SH3KBP1: variants seen among roughly 807,000 people sequenced by gnomAD.
SH3KBP1 encodes the protein SH3 domain-containing kinase-binding protein 1.
In SH3KBP1, 8 loss-of-function variants were observed where a neutral mutation model predicts 50.1. The ratio of observed to expected loss-of-function variants is 0.16; its 90% CI spans 0.09 to 0.29. SH3KBP1 has a LOEUF of 0.29. SH3KBP1 is among the 10% of genes least tolerant of loss of function. The pLI is 1.00. For synonymous variants in SH3KBP1, 227 were observed against 218.6 expected (o/e 1.04, Z -0.34); for missense variants, 377 against 535.2 (o/e 0.70, Z 2.92).
intron 7 of SH3KBP1, among the ~76,000 whole-genome samples, chrX:19,641,171 T>C (rs769877890): frequency 2.7e-5 from 3 of 112,119 alleles, no homozygotes; most frequent in African/African-American, 3.2e-5. Flanking sequence ...CTTAGGCCGA[T>C]TGGGAGAGCA....
At chrX:19,596,472 G>A (rs927187447) in intron 9 of SH3KBP1, among the ~76,000 whole-genome samples, 51 of 112,134 alleles carry the variant, frequency 4.5e-4, no homozygotes, top group African/African-American at 1.6e-3. Flanking sequence ...ACTGATCAGG[G>A]TGGTGGTGGC....
intron 7 of SH3KBP1, among the ~76,000 whole-genome samples, chrX:19,640,322 T>G (rs1416391834): frequency 2.7e-5 from 3 of 110,962 alleles, no homozygotes; most frequent in African/African-American, 9.9e-5. Context: ...GCACTACACA[T>G]CTATCTTCAC....
At chrX:19,584,202 A>G (rs1323080931) in intron 12 of SH3KBP1, among the ~76,000 whole-genome samples, 1 of 94,223 alleles carries the variant, frequency 1.1e-5, no homozygotes, top group African/African-American at 3.9e-5. Flanking sequence ...TTATAAATAT[A>G]TGTCAATATA....
intron 1 of SH3KBP1, among the ~76,000 whole-genome samples, chrX:19,858,347 G>T (rs940183703): frequency 9.0e-6 from 1 of 110,877 alleles, no homozygotes; most frequent in African/African-American, 3.3e-5. Flanking sequence ...CTCACCAGGT[G>T]CAGTGGCTTA....
intron 8 of SH3KBP1, among the ~76,000 whole-genome samples, chrX:19,617,718 A>T (rs1476240560): frequency 1.8e-5 from 2 of 111,951 alleles, no homozygotes; most frequent in Non-Finnish European, 3.8e-5. Context: ...TATTTTTATG[A>T]CATACTGCTG....
Position 19,636,498 on chromosome X carries a change from G to C in SH3KBP1, c.803-4540C>G, listed in dbSNP as rs144574085. 8.7e-3 allele frequency among the ~76,000 whole-genome samples: 973 copies of C among 111,275 alleles called. 2 individuals are homozygous for C. The highest frequency in any genetic ancestry group is 0.028 in the Middle Eastern group (6 of 216). ...TTGGCTTTCAAATTTTAAGAAGCTT[G>C]CTCTATTAAAATCACCAAAATGTCC... On this transcript the variant is annotated intron_variant, in intron 7 of 17. Coordinates refer to ENST00000397821, the MANE Select transcript of SH3KBP1 (RefSeq NM_031892.3).
chrX:19,665,154 C>A (rs967398068), intron 6 of SH3KBP1, among the ~76,000 whole-genome samples: 4 of 111,812 alleles, frequency 3.6e-5, no homozygotes, highest in Non-Finnish European at 7.5e-5. Context: ...CAGACGTTAC[C>A]AAAACAAATG....
intron 1 of SH3KBP1, among the ~76,000 whole-genome samples, chrX:19,845,008 G>A (rs774419737): frequency 9.0e-6 from 1 of 111,374 alleles, no homozygotes; most frequent in African/African-American, 3.3e-5. Flanking sequence ...CAACCCGGGA[G>A]GCAGAGGTTG....
Position 19,549,999 on chromosome X carries a change from C to T in SH3KBP1, c.1469G>A (p.Arg490Gln). 1 of 1,207,298 alleles carries T rather than the reference C, an allele frequency of 8.3e-7. No individual in the cohort carries two copies. Among genetic ancestry groups the T allele is most frequent in the Non-Finnish European group, 1.1e-6 (1 of 892,007 alleles). ...TTSRPKATGR[R>Q]PPSQSLTSSS... ...AGATGTGAGGGACTGGGACGGAGGCCGCCTCCCTGTAGCTTTTGGTCTGCT... is the reference window on the plus strand; with the variant it reads ...AGATGTGAGGGACTGGGACGGAGGCTGCCTCCCTGTAGCTTTTGGTCTGCT... Residue 490 changes from arginine (R) to glutamine (Q), a missense_variant, in exon 14 of 18, where the codon CGG becomes CAG. Transcript: ENST00000397821.
At chrX:19,765,152 C>T (rs1296824048) in intron 2 of SH3KBP1, among the ~76,000 whole-genome samples, 1 of 109,918 alleles carries the variant, frequency 9.1e-6, no homozygotes, top group Non-Finnish European at 1.9e-5. Context: ...AGCTCTTAAT[C>T]AGAGTTCCAG....
At chrX:19,824,738 C>G (rs2067625319) in intron 2 of SH3KBP1, among the ~76,000 whole-genome samples, 1 of 111,648 alleles carries the variant, frequency 9.0e-6, no homozygotes, top group Non-Finnish European at 1.9e-5. Context: ...TCACCACGAT[C>G]AACTCAGTCA....
intron 2 of SH3KBP1, among the ~76,000 whole-genome samples, chrX:19,827,247 A>C (rs1237465693): frequency 8.9e-6 from 1 of 112,209 alleles, no homozygotes; most frequent in Non-Finnish European, 1.9e-5. Context: ...TTGGGCAGGC[A>C]GAGGGGAAAA....
intron 13 of SH3KBP1, among the ~76,000 whole-genome samples, chrX:19,554,778 C>T (rs1026526766): frequency 1.5e-4 from 17 of 112,367 alleles, no homozygotes; most frequent in Non-Finnish European, 3.2e-4. Flanking sequence ...AGCTACCAAA[C>T]CAAACTGCCA....
chrX:19,546,124 G>A (rs2065076168), intron 14 of SH3KBP1, 74 bp from the exon 15 acceptor site: 2 of 1,101,791 alleles, frequency 1.8e-6, no homozygotes, highest in East Asian at 6.1e-5. Flanking sequence ...ATATAATGCT[G>A]TATGCTTTAA....
At chrX:19,778,101 G>A (rs1159743942) in intron 2 of SH3KBP1, among the ~76,000 whole-genome samples, 6 of 111,614 alleles carry the variant, frequency 5.4e-5, no homozygotes, top group Non-Finnish European at 1.1e-4. Context: ...CACTATAGCA[G>A]TGGAAAGCTC....
At chrX:19,677,568 A>G (rs1340891532) in intron 6 of SH3KBP1, among the ~76,000 whole-genome samples, 1 of 111,627 alleles carries the variant, frequency 9.0e-6, no homozygotes, top group African/African-American at 3.3e-5. Context: ...GAACTTCCAA[A>G]TCCAGCTAGT....
intron 1 of SH3KBP1, among the ~76,000 whole-genome samples, chrX:19,878,872 T>C (rs1170880900): frequency 1.8e-5 from 2 of 112,593 alleles, no homozygotes; most frequent in African/African-American, 6.5e-5. Context: ...AAATTAATAA[T>C]GTACCAAAAC....
intron 3 of SH3KBP1, among the ~76,000 whole-genome samples, chrX:19,737,752 G>A (rs987099879): frequency 8.9e-6 from 1 of 111,789 alleles, no homozygotes; most frequent in Non-Finnish European, 1.9e-5. Context: ...TCATGCCAAA[G>A]CCCAGACTAG....
intron 2 of SH3KBP1, among the ~76,000 whole-genome samples, chrX:19,771,818 T>C (rs1213614254): frequency 7.0e-5 from 7 of 100,572 alleles, no homozygotes; most frequent in Non-Finnish European, 1.4e-4. Context: ...GAGCTGAGAT[T>C]CTGCCATGGC....
Sources: allele counts gnomAD v4.1 joint callset (sites outside exome capture counted in the v4.1 genomes callset), GRCh38; gene constraint gnomAD v4.1.1; transcripts MANE v1.5; gene names NCBI Gene and HGNC (gene_info 2026-07-23, HGNC 2026-07-21).